KRABD5: variants seen among roughly 807,000 people sequenced by gnomAD.
KRABD5 encodes the protein KRAB domain-containing protein 5.
At chr16:31,736,190 T>C in the KRABD5 span, among the ~76,000 whole-genome samples, 1 of 152,196 alleles carries the variant, frequency 6.6e-6, no homozygotes. Flanking sequence ...GGCATCTTTG[T>C]TGAAAATCAG....
the KRABD5 span, among the ~76,000 whole-genome samples, chr16:31,726,728 C>G: frequency 6.6e-6 from 1 of 151,928 alleles, no homozygotes; most frequent in Non-Finnish European, 1.5e-5. Flanking sequence ...CCACTGCACT[C>G]CATCCTGAGC....
At chr16:31,760,606 A>C in the KRABD5 span, 1 of 150,060 alleles carries the variant, frequency 6.7e-6, no homozygotes, top group Non-Finnish European at 1.5e-5. Flanking sequence ...CTGCATTTGG[A>C]GTCTTGGAAA....
the KRABD5 span, among the ~76,000 whole-genome samples, chr16:31,717,555 A>T: frequency 3.3e-4 from 51 of 152,312 alleles, no homozygotes; most frequent in African/African-American, 1.2e-3. Flanking sequence ...CTCTTATCTG[A>T]CAAATGGTGC....
At chr16:31,735,934 A>G in the KRABD5 span, among the ~76,000 whole-genome samples, 1 of 152,018 alleles carries the variant, frequency 6.6e-6, no homozygotes, top group African/African-American at 2.4e-5. Context: ...TCATTTGCCT[A>G]TTTTTGCTTA....
chr16:31,760,935 T>A, the KRABD5 span: 1 of 152,112 alleles, frequency 6.6e-6, no homozygotes, highest in South Asian at 2.1e-4. Flanking sequence ...AGGAGATTAT[T>A]CCCAGTAGTG....
the KRABD5 span, among the ~76,000 whole-genome samples, chr16:31,716,194 C>T: frequency 5.9e-5 from 9 of 152,186 alleles, no homozygotes; most frequent in Non-Finnish European, 1.3e-4. Context: ...GCAGCAGCAA[C>T]CCAGTCCCTC....
the KRABD5 span, among the ~76,000 whole-genome samples, chr16:31,729,563 A>G: frequency 6.6e-6 from 1 of 152,210 alleles, no homozygotes; most frequent in Non-Finnish European, 1.5e-5. Flanking sequence ...TCTTAATTCT[A>G]TCACAGTGGC....
chr16:31,744,113 A>C, the KRABD5 span, among the ~76,000 whole-genome samples: 1 of 152,048 alleles, frequency 6.6e-6, no homozygotes, highest in Non-Finnish European at 1.5e-5. Context: ...AATACCCTTT[A>C]TTTCTTTCTC....
the KRABD5 span, among the ~76,000 whole-genome samples, chr16:31,746,833 T>G: frequency 2.0e-5 from 3 of 152,152 alleles, no homozygotes; most frequent in Non-Finnish European, 4.4e-5. Flanking sequence ...TTTTTTTCTC[T>G]AGTCTTGTCT....
the KRABD5 span, among the ~76,000 whole-genome samples, chr16:31,752,183 T>C: frequency 2.0e-5 from 3 of 152,206 alleles, no homozygotes; most frequent in African/African-American, 4.8e-5. Context: ...GTGTATAGGG[T>C]CAATCTTCAA....
chr16:31,751,094 T>C, the KRABD5 span, among the ~76,000 whole-genome samples: 1 of 152,212 alleles, frequency 6.6e-6, no homozygotes, highest in Non-Finnish European at 1.5e-5. Context: ...AATCACATTT[T>C]TAAATTTCTA....
chr16:31,751,271 C>G, the KRABD5 span, among the ~76,000 whole-genome samples: 136 of 152,120 alleles, frequency 8.9e-4, no homozygotes, highest in African/African-American at 3.2e-3. Context: ...GTGTCTTTGC[C>G]AGATTTTGGT....
At chr16:31,734,608 G>A in the KRABD5 span, among the ~76,000 whole-genome samples, 3 of 152,000 alleles carry the variant, frequency 2.0e-5, no homozygotes, top group Non-Finnish European at 4.4e-5. Context: ...TTACTGTACT[G>A]TGTAATAGAA....
chr16:31,732,224 A>G, the KRABD5 span, among the ~76,000 whole-genome samples: 4 of 152,164 alleles, frequency 2.6e-5, no homozygotes, highest in African/African-American at 7.2e-5. Flanking sequence ...AGAAATTGTG[A>G]CCTGGATTGC....
chr16:31,748,684 G>A, the KRABD5 span, among the ~76,000 whole-genome samples: 1 of 151,970 alleles, frequency 6.6e-6, no homozygotes, highest in Admixed American at 6.5e-5. Context: ...TGGCTTTTGG[G>A]TTTTCAGCTT....
chr16:31,755,100 A>G, the KRABD5 span: 1 of 489,456 alleles, frequency 2.0e-6, no homozygotes, highest in Non-Finnish European at 4.2e-6. Context: ...CTTACTCAGC[A>G]TGAGAGAATT....
the KRABD5 span, chr16:31,722,606 G>A: frequency 6.2e-7 from 1 of 1,611,762 alleles, no homozygotes; most frequent in South Asian, 1.1e-5. Flanking sequence ...TGGTCAATGT[G>A]CTATTTATTT....
the KRABD5 span, among the ~76,000 whole-genome samples, chr16:31,728,892 G>A: frequency 3.9e-5 from 6 of 152,064 alleles, no homozygotes. Context: ...GTTCTCTTTT[G>A]TTGTATTTCT....
chr16:31,714,399 T>C, the KRABD5 span: 1 of 456,280 alleles, frequency 2.2e-6, no homozygotes. Flanking sequence ...GGGCACCTGC[T>C]CCTGTCCCTT....
Sources: gnomAD v4.1 joint callset for allele counts (sites outside exome capture counted in the v4.1 genomes callset) on GRCh38, gnomAD v4.1.1 for gene constraint, MANE v1.5 for transcripts, NCBI Gene and HGNC (gene_info 2026-07-23, HGNC 2026-07-21) for gene names.